The following GRB14 variants were observed in gnomAD, a reference collection of about 807,000 sequenced individuals.
GRB14 encodes growth factor receptor-bound protein 14.
A neutral mutation model predicts 69.1 loss-of-function variants in GRB14; 38 were observed. That is an observed-to-expected ratio of 0.55 (90% CI 0.42 to 0.72). GRB14 has a LOEUF of 0.72. GRB14 is among the 30% of genes least tolerant of loss of function. GRB14 has a pLI of 0.00. For synonymous variants in GRB14, 247 were observed against 241.3 expected (o/e 1.02, Z -0.22); for missense variants, 666 against 666.1 (o/e 1.00, Z 0.00).
chr2:164,533,793 G>A (rs1688013456), intron 3 of GRB14, among the ~76,000 whole-genome samples: 1 of 152,184 alleles, frequency 6.6e-6, no homozygotes, highest in African/African-American at 2.4e-5. Flanking sequence ...AGCTACTCAG[G>A]AGTCTGAATA....
intron 2 of GRB14, among the ~76,000 whole-genome samples, chr2:164,578,947 T>G (rs1689322405): frequency 6.6e-6 from 1 of 152,140 alleles, no homozygotes; most frequent in South Asian, 2.1e-4. Flanking sequence ...TAAAATGTAA[T>G]ATATTCAGAC....
chr2:164,565,292 A>ACATG (rs148937117), intron 2 of GRB14, among the ~76,000 whole-genome samples: 9 of 151,528 alleles, frequency 5.9e-5, no homozygotes, highest in Non-Finnish European at 8.8e-5. Context: ...ACACACACAC[A>ACATG]CACACACACA....
intron 6 of GRB14, among the ~76,000 whole-genome samples, chr2:164,512,633 A>T (rs1387323768): frequency 6.6e-6 from 1 of 152,234 alleles, no homozygotes; most frequent in African/African-American, 2.4e-5. Flanking sequence ...GATGGTAGCC[A>T]GGTAGTGGTT....
At chr2:164,533,381 C>T (rs570772471) in intron 3 of GRB14, among the ~76,000 whole-genome samples, 83 of 151,832 alleles carry the variant, frequency 5.5e-4, no homozygotes, top group Non-Finnish European at 1.0e-3. Context: ...TACAGGCACC[C>T]GCCACTGCGC....
chr2:164,558,613 A>G (rs925426126), intron 2 of GRB14, among the ~76,000 whole-genome samples: 1 of 152,212 alleles, frequency 6.6e-6, no homozygotes, highest in African/African-American at 2.4e-5. Flanking sequence ...GAAACAAGAA[A>G]ACCTCTGCAA....
chr2:164,502,013 A>G (rs1687065283), intron 9 of GRB14, among the ~76,000 whole-genome samples: 1 of 151,884 alleles, frequency 6.6e-6, no homozygotes, highest in Non-Finnish European at 1.5e-5. Context: ...ACTTTAACAT[A>G]TACTATTATA....
chr2:164,610,887 A>C (rs1174100384), intron 2 of GRB14, among the ~76,000 whole-genome samples: 1 of 144,074 alleles, frequency 6.9e-6, no homozygotes, highest in Non-Finnish European at 1.5e-5. Context: ...AAAAAAAAAA[A>C]AAACAGGCTA....
intron 2 of GRB14, among the ~76,000 whole-genome samples, chr2:164,614,281 G>GT (rs1199382193): frequency 6.6e-6 from 1 of 152,166 alleles, no homozygotes; most frequent in Non-Finnish European, 1.5e-5. Context: ...CTGCATATAT[G>GT]TTTTGTTTCC....
chr2:164,589,524 T>C (rs1179058533), intron 2 of GRB14, among the ~76,000 whole-genome samples: 2 of 151,924 alleles, frequency 1.3e-5, no homozygotes, highest in Non-Finnish European at 2.9e-5. Context: ...TGTGCACAGA[T>C]CACATGGCAA....
At chr2:164,528,809 T>C (rs1192626934) in intron 3 of GRB14, among the ~76,000 whole-genome samples, 1 of 152,176 alleles carries the variant, frequency 6.6e-6, no homozygotes, top group Non-Finnish European at 1.5e-5. Context: ...CTGTCCTAAC[T>C]ACTATACTGT....
At chr2:164,596,881 A>G (rs191364776) in intron 2 of GRB14, among the ~76,000 whole-genome samples, 90 of 152,270 alleles carry the variant, frequency 5.9e-4, no homozygotes, top group African/African-American at 2.2e-3. Context: ...AAAGAACTAT[A>G]GTTCATTTGT....
At chr2:164,619,893 G>T in intron 1 of GRB14, 74 bp from the exon 2 acceptor site, 1 of 1,293,016 alleles carries the variant, frequency 7.7e-7, no homozygotes, top group Non-Finnish European at 1.1e-6. Flanking sequence ...GGAATAAAAA[G>T]TGTGCTAAGG....
At chr2:164,576,913 TA>T (rs1334855574) in intron 2 of GRB14, among the ~76,000 whole-genome samples, 5 of 150,918 alleles carry the variant, frequency 3.3e-5, no homozygotes. Context: ...GAAACAAATC[TA>T]GGGGGAAAAA....
intron 2 of GRB14, chr2:164,574,032 G>T: frequency 7.4e-7 from 1 of 1,360,412 alleles, no homozygotes. Context: ...ATAGATTGTT[G>T]CAGCAATAAA....
chr2:164,512,937 A>G (rs1687377485), intron 6 of GRB14, among the ~76,000 whole-genome samples: 1 of 152,166 alleles, frequency 6.6e-6, no homozygotes, highest in African/African-American at 2.4e-5. Context: ...TAAGAGAGTT[A>G]CCTTCTAGTA....
In GRB14 at chr2:164,508,528, C is replaced by A. The variant is rs756354070; in HGVS notation, c.950G>T (p.Arg317Leu). ...CFKPNKAGGP[R>L]DLKMLCAEEE... Reference sequence around the variant, plus strand: ...TTCTGCACAGAGCATTTTCAGGTCTCGGGGCCCTCCCGCTTTGTTAGGCTA... The same window carrying A: ...TTCTGCACAGAGCATTTTCAGGTCTAGGGGCCCTCCCGCTTTGTTAGGCTA... The change falls in exon 8 of 14, where the codon CGA (arginine) becomes CTA (leucine). Residue 317 changes from arginine (R) to leucine (L), a missense_variant. Physicochemically the swap from Arg to Leu is moderately radical, Grantham distance 102. Coordinates refer to ENST00000263915, the MANE Select transcript of GRB14 (RefSeq NM_004490.3). 1 of 1,614,038 alleles carries A rather than the reference C, an allele frequency of 6.2e-7. No homozygotes were observed. The highest frequency in any genetic ancestry group is 8.5e-7 in the Non-Finnish European group (1 of 1,179,974).
In GRB14 at chr2:164,527,001, G is replaced by A. The variant is rs1291224559; in HGVS notation, c.603+13C>T. On this transcript the variant is annotated intron_variant, in intron 4 of 13. Transcript: ENST00000263915. ...ATTTATTTTCCGTAACTATTAGGAG[G>A]GATTTCACTTACCATTGGGTTTTTA... The A allele has an allele frequency of 6.4e-7, 1 of 1,550,696 alleles. No homozygotes were observed. Among genetic ancestry groups the A allele is most frequent in the African/African-American group, 1.4e-5 (1 of 72,780 alleles).
chr2:164,595,277 C>T (rs1689756511), intron 2 of GRB14, among the ~76,000 whole-genome samples: 1 of 152,138 alleles, frequency 6.6e-6, no homozygotes. Flanking sequence ...AGGCTCAGCG[C>T]TAACAATGGG....
intron 2 of GRB14, among the ~76,000 whole-genome samples, chr2:164,561,447 CTA>C (rs1688826956): frequency 6.6e-6 from 1 of 152,168 alleles, no homozygotes; most frequent in Non-Finnish European, 1.5e-5. Context: ...GGTTGAATCA[CTA>C]TGTCTTTGAG....
Sources: gnomAD v4.1 joint callset for allele counts (sites outside exome capture counted in the v4.1 genomes callset) on GRCh38, gnomAD v4.1.1 for gene constraint, MANE v1.5 for transcripts, NCBI Gene and HGNC (gene_info 2026-07-23, HGNC 2026-07-21) for gene names.